CGNL1: variants seen among roughly 807,000 people sequenced by gnomAD.
CGNL1 encodes the protein cingulin-like protein 1.
Under a neutral mutation model 141.2 loss-of-function variants are expected in CGNL1, and 132 were observed. The ratio of observed to expected loss-of-function variants is 0.93; its 90% CI spans 0.81 to 1.08. The LOEUF is 1.08. Ranked by LOEUF, CGNL1 falls within the 50% of genes least tolerant of loss-of-function variation. The probability of loss-of-function intolerance (pLI) is 0.00; values close to 1 mark genes in which losing one functional copy is unlikely to be tolerated. For missense variants in CGNL1, 1,870 were observed against 1,588.6 expected (o/e 1.18, Z -3.01); for synonymous variants, 690 against 622.1 (o/e 1.11, Z -1.63).
intron 1 of CGNL1, among the ~76,000 whole-genome samples, chr15:57,409,954 T>A (rs140804642): frequency 6.6e-6 from 1 of 152,300 alleles, no homozygotes; most frequent in East Asian, 1.9e-4. Context: ...ATCTCGCCCT[T>A]TCTGAGCCTG....
intron 1 of CGNL1, among the ~76,000 whole-genome samples, chr15:57,395,878 T>A (rs1436508899): frequency 6.6e-6 from 1 of 152,240 alleles, no homozygotes; most frequent in African/African-American, 2.4e-5. Context: ...TTTTTTTTAA[T>A]TCATAAATTA....
At chr15:57,426,285 C>T (rs144129148) in intron 1 of CGNL1, among the ~76,000 whole-genome samples, 15 of 152,192 alleles carry the variant, frequency 9.9e-5, no homozygotes, top group African/African-American at 3.6e-4. Flanking sequence ...GCTGGGATTA[C>T]AGGTGCACAC....
At chr15:57,517,543 C>A (rs2942046) in intron 9 of CGNL1, among the ~76,000 whole-genome samples, 140,034 of 152,204 alleles carry the variant, frequency 0.92, 65,406 homozygotes, top group Non-Finnish European at 1. Context: ...GGAATACCAC[C>A]CTGGGGTAAT....
intron 12 of CGNL1, among the ~76,000 whole-genome samples, chr15:57,526,453 T>G (rs1038198732): frequency 2.0e-5 from 3 of 151,984 alleles, no homozygotes; most frequent in Non-Finnish European, 4.4e-5. Flanking sequence ...GCTTGTGTTT[T>G]GATTGAGCTG....
At chr15:57,520,805 A>T (rs191292482) in intron 10 of CGNL1, among the ~76,000 whole-genome samples, 3 of 152,322 alleles carry the variant, frequency 2.0e-5, no homozygotes, top group African/African-American at 7.2e-5. Flanking sequence ...GTTGCAGCCC[A>T]CAGACACTGA....
chr15:57,455,308 A>G (rs530867744), intron 7 of CGNL1, among the ~76,000 whole-genome samples: 6 of 152,350 alleles, frequency 3.9e-5, no homozygotes, highest in African/African-American at 1.2e-4. Context: ...GCTTTCAATA[A>G]AAGTGTAGCT....
intron 1 of CGNL1, among the ~76,000 whole-genome samples, chr15:57,390,489 A>G (rs1249844722): frequency 6.6e-6 from 1 of 152,226 alleles, no homozygotes; most frequent in Non-Finnish European, 1.5e-5. Flanking sequence ...CAGTTCTAGT[A>G]GGAGGTAACT....
At chr15:57,434,972 G>T (rs1177905307) in intron 1 of CGNL1, among the ~76,000 whole-genome samples, 1 of 152,090 alleles carries the variant, frequency 6.6e-6, no homozygotes, top group Non-Finnish European at 1.5e-5. Flanking sequence ...AGAGAGCAAT[G>T]AGACCCTAAT....
At chr15:57,509,996 G>A (rs1252453494) in intron 8 of CGNL1, among the ~76,000 whole-genome samples, 3 of 152,190 alleles carry the variant, frequency 2.0e-5, no homozygotes, top group Admixed American at 2.0e-4. Context: ...GAAATAAGAT[G>A]GGTGTCATCT....
At chr15:57,443,867 A>G (rs1242336615) in intron 4 of CGNL1, among the ~76,000 whole-genome samples, 1 of 152,224 alleles carries the variant, frequency 6.6e-6, no homozygotes, top group Non-Finnish European at 1.5e-5. Context: ...TTACAGAGCA[A>G]TATAAAGGGT....
chr15:57,444,227 C>A (rs1339228693), intron 4 of CGNL1, among the ~76,000 whole-genome samples: 2 of 152,100 alleles, frequency 1.3e-5, no homozygotes, highest in Non-Finnish European at 2.9e-5. Context: ...GCTGCATTTC[C>A]TCAACATTAT....
At chr15:57,533,612 T>C (rs2032083219) in intron 14 of CGNL1, among the ~76,000 whole-genome samples, 1 of 152,190 alleles carries the variant, frequency 6.6e-6, no homozygotes, top group Non-Finnish European at 1.5e-5. Context: ...TTCAGTTCCA[T>C]GTTTATATCA....
chr15:57,416,851 G>A (rs2062854298), intron 1 of CGNL1, among the ~76,000 whole-genome samples: 1 of 152,318 alleles, frequency 6.6e-6, no homozygotes, highest in African/African-American at 2.4e-5. Flanking sequence ...AGGATTCAGT[G>A]TCATGAATGG....
chr15:57,499,238 C>CTTTTT (rs201081475), intron 8 of CGNL1, among the ~76,000 whole-genome samples: 4 of 91,844 alleles, frequency 4.4e-5, no homozygotes, highest in African/African-American at 2.0e-4. Context: ...AAGTTAATGG[C>CTTTTT]TTTTTTTTTT....
intron 1 of CGNL1, among the ~76,000 whole-genome samples, chr15:57,399,600 C>A (rs1263344705): frequency 6.8e-6 from 1 of 146,550 alleles, no homozygotes. Context: ...AAAAATAATA[C>A]AAGAAAGACA....
chr15:57,401,329 T>C (rs576352491), intron 1 of CGNL1, among the ~76,000 whole-genome samples: 2 of 152,310 alleles, frequency 1.3e-5, no homozygotes, highest in Admixed American at 1.3e-4. Flanking sequence ...GGTTGGACGG[T>C]GTATACATTG....
intron 1 of CGNL1, among the ~76,000 whole-genome samples, chr15:57,392,298 G>C (rs975579765): frequency 1.3e-5 from 2 of 152,152 alleles, no homozygotes; most frequent in Non-Finnish European, 2.9e-5. Context: ...TGATGTGATA[G>C]GATAGGAGTG....
chr15:57,517,985 G>A (rs563558866), intron 9 of CGNL1, among the ~76,000 whole-genome samples: 1 of 99,452 alleles, frequency 1.0e-5, no homozygotes, highest in South Asian at 4.7e-4. Context: ...AATAAGGCCA[G>A]ATATTTCTAT....
intron 1 of CGNL1, among the ~76,000 whole-genome samples, chr15:57,391,964 A>G (rs1238661316): frequency 5.8e-5 from 5 of 85,710 alleles, no homozygotes; most frequent in African/African-American, 1.6e-4. Flanking sequence ...ACACCTTCAC[A>G]TTTTTCTTTC....
Sources: gnomAD v4.1 joint callset for allele counts (sites outside exome capture counted in the v4.1 genomes callset) on GRCh38, gnomAD v4.1.1 for gene constraint, MANE v1.5 for transcripts, NCBI Gene and HGNC (gene_info 2026-07-23, HGNC 2026-07-21) for gene names.